LYPD6B: variants seen among roughly 807,000 people sequenced by gnomAD.
LYPD6B encodes LY6/PLAUR domain containing 6B.
Under a neutral mutation model 22.8 loss-of-function variants are expected in LYPD6B, and 17 were observed. The ratio of observed to expected loss-of-function variants is 0.75; its 90% CI spans 0.51 to 1.12. The LOEUF (loss-of-function observed/expected upper bound fraction) is 1.12. LYPD6B is among the 50% of genes most tolerant of loss of function. LYPD6B has a pLI of 0.00. For missense variants in LYPD6B, 221 were observed against 258.3 expected (o/e 0.86, Z 0.99); for synonymous variants, 106 against 91.6 (o/e 1.16, Z -0.90).
At chr2:149,196,913 G>C (rs1440685379) in intron 3 of LYPD6B, among the ~76,000 whole-genome samples, 1 of 152,140 alleles carries the variant, frequency 6.6e-6, no homozygotes, top group East Asian at 1.9e-4. Flanking sequence ...TGAATGCCAC[G>C]TATTAGAGTG....
chr2:149,153,292 G>A (rs1487459476), intron 2 of LYPD6B, among the ~76,000 whole-genome samples: 3 of 152,096 alleles, frequency 2.0e-5, no homozygotes, highest in Non-Finnish European at 2.9e-5. Context: ...AATGGAGGAC[G>A]GCAGTGGAAA....
intron 1 of LYPD6B, among the ~76,000 whole-genome samples, chr2:149,086,609 T>C (rs1205325228): frequency 6.6e-6 from 1 of 152,176 alleles, no homozygotes; most frequent in Non-Finnish European, 1.5e-5. Context: ...AGGGAAGGTA[T>C]TGGAAGAACA....
chr2:149,199,158 C>G (rs937901504), intron 3 of LYPD6B, among the ~76,000 whole-genome samples: 2 of 152,198 alleles, frequency 1.3e-5, no homozygotes, highest in South Asian at 4.1e-4. Context: ...TGAACCCCAT[C>G]TAAGTAAAAT....
intron 1 of LYPD6B, among the ~76,000 whole-genome samples, chr2:149,100,446 G>A (rs971375131): frequency 1.6e-5 from 2 of 128,842 alleles, no homozygotes; most frequent in Admixed American, 8.2e-5. Context: ...AAAAAAGCCC[G>A]GGCTGGAGTC....
intron 1 of LYPD6B, among the ~76,000 whole-genome samples, chr2:149,127,430 A>G (rs1687766076): frequency 6.6e-6 from 1 of 152,126 alleles, no homozygotes; most frequent in Non-Finnish European, 1.5e-5. Context: ...ATCTTGACTT[A>G]TTGCCCAAGT....
chr2:149,168,324 TGTGCCCGTCAG>T (rs1690574646), intron 3 of LYPD6B, among the ~76,000 whole-genome samples: 1 of 151,840 alleles, frequency 6.6e-6, no homozygotes, highest in African/African-American at 2.4e-5. Flanking sequence ...CATTTGCACA[TGTGCCCGTCAG>T]GTTCCAGTCC....
At chr2:149,142,811 C>G (rs776722053) in intron 2 of LYPD6B, among the ~76,000 whole-genome samples, 1 of 152,172 alleles carries the variant, frequency 6.6e-6, no homozygotes, top group Non-Finnish European at 1.5e-5. Context: ...GTTTCCTGCC[C>G]TCTTGAACTA....
intron 2 of LYPD6B, among the ~76,000 whole-genome samples, chr2:149,153,864 AAG>A (rs1689530572): frequency 6.6e-6 from 1 of 152,106 alleles, no homozygotes; most frequent in African/African-American, 2.4e-5. Context: ...AGGCATGGAA[AAG>A]AGAGGACAGA....
intron 3 of LYPD6B, chr2:149,187,463 A>G: frequency 6.6e-7 from 1 of 1,525,692 alleles, no homozygotes; most frequent in Admixed American, 2.2e-5. Flanking sequence ...TGAGAATCAC[A>G]GTAAACCAAA....
At position 149,089,860 on chromosome 2, in the gene LYPD6B, T is replaced by G. The variant is rs143564509; in HGVS notation, c.-66-41023T>G. Among the ~76,000 whole-genome samples, 51 of 152,342 alleles carry G rather than the reference T, an allele frequency of 3.3e-4. No individual in the cohort carries two copies. The East Asian group carries it at 9.4e-3, about 28-fold the overall frequency. On this transcript the variant is annotated intron_variant, in intron 1 of 6. Transcript: ENST00000409642. ...AGTAAATCTATTTAAAAATCAAAAC[T>G]GCTTAATTGTGCAGAGGCTGGGTGG...
chr2:149,157,260 G>C (rs1239131270), intron 2 of LYPD6B, among the ~76,000 whole-genome samples: 1 of 151,836 alleles, frequency 6.6e-6, no homozygotes, highest in East Asian at 1.9e-4. Context: ...ATACTAAAAA[G>C]AACAATCTTA....
intron 1 of LYPD6B, among the ~76,000 whole-genome samples, chr2:149,111,438 G>C (rs1443835037): frequency 1.3e-5 from 2 of 152,108 alleles, no homozygotes; most frequent in East Asian, 3.9e-4. Flanking sequence ...TTAGAAGTTA[G>C]AGCTAGCAGC....
chr2:149,210,632 G>T (rs1391327571), intron 5 of LYPD6B, among the ~76,000 whole-genome samples: 2 of 152,208 alleles, frequency 1.3e-5, no homozygotes, highest in Non-Finnish European at 2.9e-5. Flanking sequence ...GTTGTTAAAA[G>T]AAGTCTTCTG....
At chr2:149,075,681 T>G (rs563415638) in intron 1 of LYPD6B, among the ~76,000 whole-genome samples, 62 of 151,608 alleles carry the variant, frequency 4.1e-4, no homozygotes, top group African/African-American at 1.5e-3. Context: ...TGGGTTTGAC[T>G]CCAGGTTTGT....
intron 2 of LYPD6B, among the ~76,000 whole-genome samples, chr2:149,134,799 A>T (rs1352106508): frequency 6.6e-6 from 1 of 152,252 alleles, no homozygotes; most frequent in Non-Finnish European, 1.5e-5. Flanking sequence ...GCCCAGGGCT[A>T]CTTGATCAAG....
At chr2:149,212,933 A>G in intron 5 of LYPD6B, 59 bp from the exon 6 acceptor site, 1 of 1,545,288 alleles carries the variant, frequency 6.5e-7, no homozygotes, top group Non-Finnish European at 8.8e-7. Flanking sequence ...TCTCTTTTGT[A>G]ATATGGATAT....
chr2:149,067,562 T>TG (rs1028791658), intron 1 of LYPD6B, among the ~76,000 whole-genome samples: 16 of 139,112 alleles, frequency 1.2e-4, no homozygotes, highest in Admixed American at 3.7e-4. Flanking sequence ...TTTAAAACTT[T>TG]GTTTTTTTTT....
chr2:149,203,995 A>T (rs1339956674), intron 3 of LYPD6B, among the ~76,000 whole-genome samples: 2 of 152,216 alleles, frequency 1.3e-5, no homozygotes, highest in Non-Finnish European at 2.9e-5. Flanking sequence ...ATATGCAGAG[A>T]TCAAACCTTT....
chr2:149,165,687 G>A (rs1386813396), intron 3 of LYPD6B, among the ~76,000 whole-genome samples: 2 of 152,190 alleles, frequency 1.3e-5, no homozygotes, highest in East Asian at 3.9e-4. Flanking sequence ...GCACAGAGCG[G>A]TTAAGCAACT....
Sources: allele counts gnomAD v4.1 joint callset (sites outside exome capture counted in the v4.1 genomes callset), GRCh38; gene constraint gnomAD v4.1.1; transcripts MANE v1.5; gene names NCBI Gene and HGNC (gene_info 2026-07-23, HGNC 2026-07-21).